ICAM5: variants seen among roughly 807,000 people sequenced by gnomAD.
ICAM5 encodes intercellular adhesion molecule 5.
ICAM5 carries 38 observed loss-of-function variants against 78.8 expected under a neutral mutation model. The observed-to-expected ratio is 0.48, with a 90% CI of 0.37 to 0.63. ICAM5 has a LOEUF of 0.63. Among genes scored for constraint, ICAM5 ranks in the 30% least tolerant of loss-of-function variants. The probability of loss-of-function intolerance (pLI) is 0.00; values close to 1 mark genes in which losing one functional copy is unlikely to be tolerated. For synonymous variants in ICAM5, 544 were observed against 590.9 expected (o/e 0.92, Z 1.15); for missense variants, 1,059 against 1,303.0 (o/e 0.81, Z 2.88).
At position 10,294,177 on chromosome 19, in the gene ICAM5, G is replaced by A. The variant is rs1209662184; in HGVS notation, c.1849G>A (p.Gly617Arg). The change falls in exon 8 of 11, where the codon GGG (glycine) becomes AGG (arginine). Residue 617 changes from glycine to arginine, a missense_variant. Around this residue, in one of 3 missense-constraint regions of ICAM5, gnomAD observed 815 missense variants for 952.8 expected, o/e 0.86. Transcript: ENST00000221980. This position sits in a 1 kb window ranked among gnomAD's most constrained non-coding sequence, Gnocchi z 7.7. ...KCVGSGGATEGVLLPLAPPDP... is the reference protein window; with the variant it reads ...KCVGSGGATERVLLPLAPPDP... Reference sequence around the variant, plus strand: ...CGTGGGCTCCGGGGGCGCCACTGAGGGGGTGCTGCTGCCGCTGGCACCCCC... The same window carrying A: ...CGTGGGCTCCGGGGGCGCCACTGAGAGGGTGCTGCTGCCGCTGGCACCCCC... 1.9e-6 allele frequency: 3 copies of A among 1,613,576 alleles called. No homozygotes were observed. The highest frequency in any genetic ancestry group is 2.5e-6 in the Non-Finnish European group (3 of 1,179,940).
chr19:10,296,318 G>A, intron 10 of ICAM5, 21 bp from the exon 11 acceptor site: 1 of 1,229,646 alleles, frequency 8.1e-7, no homozygotes, highest in Non-Finnish European at 1.0e-6. Context: ...GCCACCCTCC[G>A]CGAGGGTCTC....
Position 10,293,228 on chromosome 19 carries a change from G to C in ICAM5, c.1447G>C (p.Val483Leu). The change falls in exon 6 of 11, where the codon GTA becomes CTA. Residue 483 changes from valine to leucine, a missense_variant. Transcript: ENST00000221980. This position sits in a 1 kb window ranked among gnomAD's most constrained non-coding sequence, Gnocchi z 5.0. ...ANDQGEAVKDVTLTVEYAPAL... is the reference protein window; with the variant it reads ...ANDQGEAVKDLTLTVEYAPAL... ...TGATCAAGGCGAGGCGGTCAAGGAC[G>C]TAACGCTAACGGTGGAGTGTGAGTG... The C allele has an allele frequency of 1.3e-6, 2 of 1,590,148 alleles. No homozygotes were observed. The highest frequency in any genetic ancestry group is 1.7e-6 in the Non-Finnish European group (2 of 1,168,500).
chr19:10,293,418 G>A lies in ICAM5; in HGVS notation c.1465+172G>A, dbSNP rs1454270639. 6.6e-6 allele frequency among the ~76,000 whole-genome samples: 1 copy of A among 152,152 alleles called. No homozygotes were observed. Among genetic ancestry groups the A allele is most frequent in the African/African-American group, 2.4e-5 (1 of 41,446 alleles). ...AAGATCTTGGAGGATGGAAGGGACC[G>A]GGTGGGCGTGCCCCTAGCCTAGGGC... is the stretch of plus-strand genomic sequence containing the variant. On this transcript the variant is annotated intron_variant, in intron 6 of 10. Coordinates refer to ENST00000221980, the MANE Select transcript of ICAM5 (RefSeq NM_003259.4). This position sits in a 1 kb window ranked among gnomAD's most constrained non-coding sequence, Gnocchi z 5.0.
rs865882102 is a variant in ICAM5 at position 10,294,737 on chromosome 19, T to G, written c.2230+97T>G. On this transcript the variant is annotated intron_variant, in intron 9 of 10. Coordinates refer to ENST00000221980, the MANE Select transcript of ICAM5 (RefSeq NM_003259.4). This position sits in a 1 kb window ranked among gnomAD's most constrained non-coding sequence, Gnocchi z 7.7. Reference sequence around the variant, plus strand: ...AAGGGCACCTCTCCCAATCCCATTCTCGGGGACAGGGAATTCCAGCCTAAA... The same window carrying G: ...AAGGGCACCTCTCCCAATCCCATTCGCGGGGACAGGGAATTCCAGCCTAAA... The G allele has an allele frequency of 6.4e-7, 1 of 1,553,054 alleles. No homozygotes were observed. Among genetic ancestry groups the G allele is most frequent in the South Asian group, 1.2e-5 (1 of 85,708 alleles).
In ICAM5 at chr19:10,290,173, C is replaced by A; in HGVS notation, c.82+48C>A. ...GGGTGGACAGGGCGGGGGCGGAGTC[C>A]CTGGACCTGAGAAACGGCCTCCTGT... On this transcript the variant is annotated intron_variant, in intron 1 of 10. Coordinates refer to ENST00000221980, the MANE Select transcript of ICAM5 (RefSeq NM_003259.4). This position sits in a 1 kb window ranked among gnomAD's most constrained non-coding sequence, Gnocchi z 5.7. 1 of 1,383,770 alleles carries A rather than the reference C, an allele frequency of 7.2e-7. No homozygotes were observed. 85.7% of individuals were successfully genotyped at this position (1,383,770 alleles called of 1,614,324 possible).
At chr19:10,295,654 G>A in intron 10 of ICAM5, 42 bp downstream of exon 10, 1 of 1,516,106 alleles carries the variant, frequency 6.6e-7, no homozygotes, top group Non-Finnish European at 8.8e-7. Context: ...GTATCTGAGA[G>A]GGGGCGTGAC....
Position 10,291,280 on chromosome 19 carries a change from C to G in ICAM5, c.291C>G (p.Pro97=), listed in dbSNP as rs1410102974. 5.0e-6 allele frequency: 8 copies of G among 1,612,488 alleles called. No individual in the cohort carries two copies. The highest frequency in any genetic ancestry group is 2.7e-5 in the African/African-American group (2 of 74,940). ...ACATTCGCGAGCCGGAGACTCAGCC[C>G]GTCTGCTTCTTCCGCTGCGCGCGGC... The part of the protein sequence containing the change: ...LVDIREPETQ[P]VCFFRCARRT... The change falls in exon 2 of 11, where the codon CCC becomes CCG. Residue 97 remains proline (P), a synonymous_variant. Transcript: ENST00000221980.
In ICAM5 at chr19:10,293,955, C is replaced by G. The variant is rs753531594; in HGVS notation, c.1711+12C>G. 5.0e-6 allele frequency: 8 copies of G among 1,610,384 alleles called. No individual in the cohort carries two copies. The Admixed American group carries it at 8.3e-5, about 17-fold the overall frequency. ...CGTCACGGTGGAATGTGAGTAGGGG[C>G]ACCGCGGAGTTAGGCAGGATCTGTG... On this transcript the variant is annotated intron_variant, in intron 7 of 10. Coordinates refer to ENST00000221980, the MANE Select transcript of ICAM5 (RefSeq NM_003259.4). The surrounding 1 kb of genome is among the most constrained non-coding windows in gnomAD (Gnocchi z 5.0).
Position 10,291,720 on chromosome 19 carries a change from A to G in ICAM5, c.584A>G (p.Asn195Ser), listed in dbSNP as rs772061314. 11 of 1,612,666 alleles carry G rather than the reference A, an allele frequency of 6.8e-6. No individual in the cohort carries two copies. Among genetic ancestry groups the G allele is most frequent in the Non-Finnish European group, 9.3e-6 (11 of 1,179,990 alleles). ...GCTCGGAGGGAGGACCATGGAGCCA[A>G]TTTCTCGTGTCGCGCCGAGCTGGAC... ...VLARREDHGA[N>S]FSCRAELDLR... Residue 195 changes from asparagine to serine, a missense_variant, in exon 3 of 11, where the codon AAT becomes AGT. By Grantham distance (46) the Asn-to-Ser change is conservative. This residue lies in a region of ICAM5 where 815 missense variants were observed against 952.8 expected (regional missense o/e 0.86). Coordinates refer to ENST00000221980, the MANE Select transcript of ICAM5 (RefSeq NM_003259.4).
chr19:10,293,887 G>A lies in ICAM5; in HGVS notation c.1655G>A (p.Cys552Tyr). ...VAREHAGTYR[C>Y]EATNPRGSAA... ...CGGGAGCATGCGGGCACTTACCGCT[G>A]CGAAGCCACCAACCCTCGGGGCTCT... The change falls in exon 7 of 11, where the codon TGC becomes TAC. Residue 552 changes from cysteine (C) to tyrosine (Y), a missense_variant. Transcript: ENST00000221980. This position sits in a 1 kb window ranked among gnomAD's most constrained non-coding sequence, Gnocchi z 5.0. The A allele has an allele frequency of 6.2e-7, 1 of 1,611,600 alleles. No individual in the cohort carries two copies.
chr19:10,292,213 C>T lies in ICAM5; in HGVS notation c.852C>T (p.Ala284=), dbSNP rs2040179223. 6.2e-7 allele frequency: 1 copy of T among 1,613,080 alleles called. No homozygotes were observed. The highest frequency in any genetic ancestry group is 8.5e-7 in the Non-Finnish European group (1 of 1,179,976). ...CCCTCGAAGGGGACGCATTCGTGGCCACTGCCACAGCCACAGCTAGCGCAG... is the reference window on the plus strand; with the variant it reads ...CCCTCGAAGGGGACGCATTCGTGGCTACTGCCACAGCCACAGCTAGCGCAG... ...DVTLEGDAFV[A]TATATASAEQ... The change falls in exon 4 of 11, where the codon GCC becomes GCT. Residue 284 remains alanine (A), a synonymous_variant. Transcript: ENST00000221980.
In ICAM5 at chr19:10,292,428, A is replaced by AGG. The variant is rs36081155; in HGVS notation, c.961+109_961+110dup. On this transcript the variant is annotated intron_variant, in intron 4 of 10. Transcript: ENST00000221980. ...TCAGTACCGGAACAGGCGTGGCCCG[A>AGG]GGGGCGGGGCAGGTGGGGGCGGAGA... 18 of 1,361,162 alleles carry AGG rather than the reference A, an allele frequency of 1.3e-5. No individual in the cohort carries two copies. In the Admixed American group the frequency reaches 3.2e-4, roughly 24 times the overall value. The allele number at this position is 1,361,162 out of a possible 1,614,324, so 84.3% of individuals were successfully genotyped here. A position where few individuals can be genotyped will look rare whatever the true frequency, so the allele number is the denominator to read the frequency against.
rs2040220713 is a variant in ICAM5, at chr19:10,296,433, C to A, written c.2592C>A (p.Ala864=). Residue 864 remains alanine (A), a synonymous_variant, in exon 11 of 11, where the codon GCC becomes GCA. Coordinates refer to ENST00000221980, the MANE Select transcript of ICAM5 (RefSeq NM_003259.4). ...TGGCCTTCTACGTGCAGTCCACCGC[C>A]TGCAAGAAGGGCGAGTACAACGTGC... The part of the protein sequence containing the change: ...AGLAFYVQST[A]CKKGEYNVQE... The A allele has an allele frequency of 9.0e-6, 12 of 1,327,538 alleles. No individual in the cohort carries two copies. The highest frequency in any genetic ancestry group is 1.1e-5 in the Non-Finnish European group (11 of 1,025,934). The allele number at this position is 1,327,538 out of a possible 1,614,324, so 82.2% of individuals were successfully genotyped here. A position where few individuals can be genotyped will look rare whatever the true frequency, so the allele number is the denominator to read the frequency against.
In ICAM5 at chr19:10,293,045, C is replaced by A; in HGVS notation, c.1264C>A (p.Pro422Thr). ...DSDCPRSWTWPEGPEQTLRCE... is the reference protein window; with the variant it reads ...DSDCPRSWTWTEGPEQTLRCE... The stretch of plus-strand genomic sequence containing the variant: ...GGACTGCCCCAGGAGTTGGACGTGG[C>A]CCGAGGGCCCAGAGCAGACGCTGCG... Residue 422 changes from proline (P) to threonine (T), a missense_variant, in exon 6 of 11, where the codon CCC becomes ACC. Physicochemically the swap from Pro to Thr is conservative, Grantham distance 38 (BLOSUM62 -1). This residue lies in a region of ICAM5 where 815 missense variants were observed against 952.8 expected (regional missense o/e 0.86). Coordinates refer to ENST00000221980, the MANE Select transcript of ICAM5 (RefSeq NM_003259.4). This position sits in a 1 kb window ranked among gnomAD's most constrained non-coding sequence, Gnocchi z 5.0. 6.2e-7 allele frequency: 1 copy of A among 1,610,542 alleles called. No individual in the cohort carries two copies.
chr19:10,290,393 T>G lies in ICAM5; in HGVS notation c.82+268T>G, dbSNP rs1013224804. Reference sequence around the variant, plus strand: ...CGCCCTGGAGACCCAGTGTCTCTCCTGTCCGCTCCCCGGGTACCTCCTTAC... The same window carrying G: ...CGCCCTGGAGACCCAGTGTCTCTCCGGTCCGCTCCCCGGGTACCTCCTTAC... On this transcript the variant is annotated intron_variant, in intron 1 of 10. Coordinates refer to ENST00000221980, the MANE Select transcript of ICAM5 (RefSeq NM_003259.4). This position sits in a 1 kb window ranked among gnomAD's most constrained non-coding sequence, Gnocchi z 5.7. The G allele has an allele frequency of 2.3e-6, 1 of 433,218 alleles. No homozygotes were observed. The allele number at this position is 433,218 out of a possible 1,614,324, so 26.8% of individuals were successfully genotyped here. A position where few individuals can be genotyped will look rare whatever the true frequency, so the allele number is the denominator to read the frequency against.
chr19:10,295,832 C>G lies in ICAM5; in HGVS notation c.2497+220C>G, dbSNP rs935577541. 5.3e-5 allele frequency among the ~76,000 whole-genome samples: 8 copies of G among 152,138 alleles called. No individual in the cohort carries two copies. The South Asian group carries it at 1.0e-3, about 20-fold the overall frequency. The stretch of plus-strand genomic sequence containing the variant: ...GGGGGACTGAATTCAAGGGGAGGGA[C>G]CCTCCGGGGCTGTCACTGCTGCAGG... On this transcript the variant is annotated intron_variant, in intron 10 of 10. Transcript: ENST00000221980.
rs763883768 is a variant in ICAM5, at chr19:10,295,423, C to T, written c.2308C>T (p.Arg770Cys). ...AGGAGGAAACTTCACGTTGACCTGCCGCGCGGAGGCCTGGCCTCCAGCCCA... is the reference window on the plus strand; with the variant it reads ...AGGAGGAAACTTCACGTTGACCTGCTGCGCGGAGGCCTGGCCTCCAGCCCA... ...RPGGNFTLTC[R>C]AEAWPPAQIS... is the part of the protein sequence containing the mutation. The change falls in exon 10 of 11, where the codon CGC (arginine) becomes TGC (cysteine). Residue 770 changes from arginine to cysteine, a missense_variant. Physicochemically the swap from Arg to Cys is radical, Grantham distance 180. This residue lies in a region of ICAM5 where 135 missense variants were observed against 230.2 expected (regional missense o/e 0.59). Coordinates refer to ENST00000221980, the MANE Select transcript of ICAM5 (RefSeq NM_003259.4). The T allele has an allele frequency of 6.2e-7, 1 of 1,607,446 alleles. No individual in the cohort carries two copies. The highest frequency in any genetic ancestry group is 8.5e-7 in the Non-Finnish European group (1 of 1,178,556).
Position 10,293,232 on chromosome 19 carries a change from C to A in ICAM5, c.1451C>A (p.Thr484Lys). The A allele has an allele frequency of 6.3e-7, 1 of 1,586,308 alleles. No homozygotes were observed. The highest frequency in any genetic ancestry group is 8.6e-7 in the Non-Finnish European group (1 of 1,166,410). Residue 484 changes from threonine (T) to lysine (K), a missense_variant, in exon 6 of 11, where the codon ACG becomes AAG. This residue lies in a region of ICAM5 where 815 missense variants were observed against 952.8 expected (regional missense o/e 0.86). Transcript: ENST00000221980. This position sits in a 1 kb window ranked among gnomAD's most constrained non-coding sequence, Gnocchi z 5.0. ...NDQGEAVKDVTLTVEYAPALD... is the reference protein window; with the variant it reads ...NDQGEAVKDVKLTVEYAPALD... ...CAAGGCGAGGCGGTCAAGGACGTAA[C>A]GCTAACGGTGGAGTGTGAGTGGGGG...
In ICAM5 at chr19:10,294,012, T is replaced by C. The variant is rs1378811109; in HGVS notation, c.1712-28T>C. ...CCCCGGCTGGACTTCCTGGCCCCCG[T>C]GTGAGCCCCTGCAATCCTGTTTCCC... On this transcript the variant is annotated intron_variant, in intron 7 of 10. Transcript: ENST00000221980. This position sits in a 1 kb window ranked among gnomAD's most constrained non-coding sequence, Gnocchi z 7.7. 6.3e-7 allele frequency: 1 copy of C among 1,588,542 alleles called. No homozygotes were observed. The highest frequency in any genetic ancestry group is 8.6e-7 in the Non-Finnish European group (1 of 1,164,702).
Sources: allele counts gnomAD v4.1 joint callset (sites outside exome capture counted in the v4.1 genomes callset), GRCh38; gene constraint gnomAD v4.1.1; regional missense constraint gnomAD v4.1.1; non-coding constraint Gnocchi (gnomAD v3.1); transcripts MANE v1.5; gene names NCBI Gene and HGNC (gene_info 2026-07-23, HGNC 2026-07-21).